ARMC2: variants seen among roughly 807,000 people sequenced by gnomAD.
ARMC2 encodes armadillo repeat containing 2.
ARMC2 carries 67 observed loss-of-function variants against 90.3 expected under a neutral mutation model. The observed-to-expected ratio is 0.74, with a 90% CI of 0.61 to 0.91. The LOEUF is 0.91. ARMC2 is among the 40% of genes least tolerant of loss of function. ARMC2 has a pLI of 0.00. For synonymous variants in ARMC2, 393 were observed against 393.0 expected (o/e 1.00, Z 0.00); for missense variants, 920 against 1,030.9 (o/e 0.89, Z 1.47).
chr6:108,932,438 G>A (rs1775628125), intron 11 of ARMC2, among the ~76,000 whole-genome samples: 1 of 149,886 alleles, frequency 6.7e-6, no homozygotes, highest in Non-Finnish European at 1.5e-5. Context: ...AAAGGAAGGG[G>A]TCCAGCTTCA....
At chr6:109,002,931 TAA>T in the ARMC2 span, among the ~76,000 whole-genome samples, 1 of 152,134 alleles carries the variant, frequency 6.6e-6, no homozygotes, top group Non-Finnish European at 1.5e-5. Flanking sequence ...TGCCTTAAAT[TAA>T]GTTTTTTTTT....
At chr6:109,009,261 T>C in the ARMC2 span, 3 of 1,122,804 alleles carry the variant, frequency 2.7e-6, no homozygotes, top group Non-Finnish European at 3.5e-6. Flanking sequence ...GGAGCGACTG[T>C]GAGGAGGCAA....
the ARMC2 span, among the ~76,000 whole-genome samples, chr6:109,011,123 G>A: frequency 6.6e-6 from 1 of 152,328 alleles, no homozygotes; most frequent in South Asian, 2.1e-4. Context: ...TTTGTAAAAT[G>A]AAGAATGCTT....
intron 5 of ARMC2, among the ~76,000 whole-genome samples, chr6:108,892,839 G>A (rs1468734402): frequency 2.0e-5 from 3 of 152,090 alleles, no homozygotes; most frequent in African/African-American, 7.2e-5. Flanking sequence ...CTTCAGGGCG[G>A]TAGGAAAGGC....
chr6:108,957,745 T>C (rs1319060572), intron 13 of ARMC2, among the ~76,000 whole-genome samples: 2 of 152,188 alleles, frequency 1.3e-5, no homozygotes, highest in Non-Finnish European at 2.9e-5. Flanking sequence ...ATGTTTCTAG[T>C]AAGAACTGAC....
rs375775111 is a variant in ARMC2 at position 108,961,585 on chromosome 6, T to A, written c.1929T>A (p.Leu643=). The A allele has an allele frequency of 4.3e-6, 7 of 1,609,218 alleles. No homozygotes were observed. The highest frequency in any genetic ancestry group is 5.9e-6 in the Non-Finnish European group (7 of 1,178,010). The part of the protein sequence containing the change: ...LLLTTLEYKS[L]DDCEELVINA... The stretch of plus-strand genomic sequence containing the variant: ...ACTTCATTTCAGAATACAAGTCACT[T>A]GATGATTGTGAGGAGCTGGTGATCA... The change falls in exon 14 of 18, where the codon CTT becomes CTA. Residue 643 remains leucine, a synonymous_variant. Transcript: ENST00000392644.
At chr6:108,914,829 T>C (rs1010254939) in intron 10 of ARMC2, among the ~76,000 whole-genome samples, 1 of 152,124 alleles carries the variant, frequency 6.6e-6, no homozygotes, top group African/African-American at 2.4e-5. Flanking sequence ...TGTGAATGTG[T>C]AACACTGACT....
rs1774577469 is a variant in ARMC2 at position 108,856,146 on chromosome 6, C to A, written c.218+1661C>A. Among the ~76,000 whole-genome samples, 5 of 152,178 alleles carry A rather than the reference C, an allele frequency of 3.3e-5. No homozygotes were observed. In the South Asian group the frequency reaches 1.0e-3, roughly 32 times the overall value. ...ATCGCAATACGCAAGGTTTTCTAGA[C>A]TTTGTCCTATGTTATATTTTAGAGA... On this transcript the variant is annotated intron_variant, in intron 2 of 17. Coordinates refer to ENST00000392644, the MANE Select transcript of ARMC2 (RefSeq NM_032131.6).
Position 108,861,953 on chromosome 6 carries a change from A to G in ARMC2, c.291+3682A>G, listed in dbSNP as rs115866449. Among the ~76,000 whole-genome samples the G allele has an allele frequency of 4.1e-3, 622 of 152,320 alleles. 2 individuals are homozygous for G. Among genetic ancestry groups the G allele is most frequent in the African/African-American group, 0.014 (583 of 41,564 alleles). On this transcript the variant is annotated intron_variant, in intron 3 of 17. Coordinates refer to ENST00000392644, the MANE Select transcript of ARMC2 (RefSeq NM_032131.6). The stretch of plus-strand genomic sequence containing the variant: ...AACTGGTACAGTTCTTGGACTGCAG[A>G]ATTAGCTATTGGGCTAAGACAAGAT...
rs937626612 is a variant in ARMC2, at chr6:108,953,157, A to G, written c.1721A>G (p.His574Arg). The change falls in exon 13 of 18, where the codon CAT (histidine) becomes CGT (arginine). Residue 574 changes from histidine (H) to arginine (R), a missense_variant. Physicochemically the swap from His to Arg is conservative, Grantham distance 29 (BLOSUM62 0). Coordinates refer to ENST00000392644, the MANE Select transcript of ARMC2 (RefSeq NM_032131.6). Reference protein sequence around the residue: ...QTLLSLFQTFHQLDLHSQKPV... With the variant: ...QTLLSLFQTFRQLDLHSQKPV... ...CTGCTGTCATTATTCCAGACGTTCC[A>G]TCAGCTGGATCTGCATTCCCAGAAG... 1.9e-6 allele frequency: 3 copies of G among 1,614,090 alleles called. No homozygotes were observed. Among genetic ancestry groups the G allele is most frequent in the Non-Finnish European group, 2.5e-6 (3 of 1,179,906 alleles).
intron 7 of ARMC2, 37 bp downstream of exon 7, chr6:108,899,829 T>C (rs564974999): frequency 1.4e-6 from 2 of 1,422,098 alleles, no homozygotes; most frequent in African/African-American, 1.5e-5. Context: ...ACCGTTTTTG[T>C]TTTTTTTTTA....
chr6:108,884,265 C>T (rs986949281), intron 5 of ARMC2, among the ~76,000 whole-genome samples: 1 of 152,146 alleles, frequency 6.6e-6, no homozygotes, highest in Non-Finnish European at 1.5e-5. Flanking sequence ...AGTATGGTCC[C>T]TGGACCAGCA....
At chr6:108,976,291 G>A (rs1384844036), downstream of ARMC2, among the ~76,000 whole-genome samples, 2 of 152,106 alleles carry the variant, frequency 1.3e-5, no homozygotes, top group Non-Finnish European at 2.9e-5. Context: ...TTTTTGTCAG[G>A]TTTGTCAAGG....
At chr6:108,984,652 T>C in the ARMC2 span, among the ~76,000 whole-genome samples, 2 of 152,214 alleles carry the variant, frequency 1.3e-5, no homozygotes, top group African/African-American at 4.8e-5. Flanking sequence ...TATTCCTAAG[T>C]ATTTTATTCT....
At chr6:108,889,291 G>T (rs1178127180) in intron 5 of ARMC2, among the ~76,000 whole-genome samples, 1 of 150,696 alleles carries the variant, frequency 6.6e-6, no homozygotes, top group Admixed American at 6.6e-5. Flanking sequence ...AATTACAGGC[G>T]CCCGCCACCA....
intron 4 of ARMC2, among the ~76,000 whole-genome samples, chr6:108,875,288 G>A (rs1007432011): frequency 2.0e-5 from 3 of 152,098 alleles, no homozygotes; most frequent in African/African-American, 7.2e-5. Flanking sequence ...ATGTTTCAAT[G>A]CCCTCTCCTT....
chr6:108,990,982 A>G, the ARMC2 span: 11 of 638,614 alleles, frequency 1.7e-5, no homozygotes, highest in Non-Finnish European at 2.9e-5. Context: ...CTTACACTCC[A>G]ATCTTTTTTT....
intron 11 of ARMC2, among the ~76,000 whole-genome samples, chr6:108,934,084 A>G (rs1203696180): frequency 1.3e-5 from 2 of 151,118 alleles, no homozygotes; most frequent in African/African-American, 4.9e-5. Flanking sequence ...CAGGTCTCAA[A>G]CTCCTGACCT....
chr6:108,907,868 G>GC (rs1772949515), intron 8 of ARMC2: 1 of 1,609,774 alleles, frequency 6.2e-7, no homozygotes, highest in Admixed American at 1.7e-5. Context: ...TACAACTGAC[G>GC]CTATCTTAGA....
Sources: allele counts gnomAD v4.1 joint callset (sites outside exome capture counted in the v4.1 genomes callset), GRCh38; gene constraint gnomAD v4.1.1; transcripts MANE v1.5; gene names NCBI Gene and HGNC (gene_info 2026-07-23, HGNC 2026-07-21).